Variants in FAM53A observed in about 807,000 individuals in gnomAD.
FAM53A encodes the protein protein FAM53A.
Under a neutral mutation model 26.6 loss-of-function variants are expected in FAM53A, and 28 were observed. The observed-to-expected ratio is 1.05, with a 90% CI of 0.78 to 1.45. The LOEUF is 1.45. FAM53A is among the 40% of genes most tolerant of loss of function. FAM53A has a pLI of 0.00. For synonymous variants in FAM53A, 290 were observed against 253.1 expected (o/e 1.15, Z -1.38); for missense variants, 650 against 575.8 (o/e 1.13, Z -1.32).
chr4:1,646,257 T>G (rs1259338132), intron 4 of FAM53A, among the ~76,000 whole-genome samples: 1 of 152,096 alleles, frequency 6.6e-6, no homozygotes, highest in South Asian at 2.1e-4. Flanking sequence ...TCCGCCACCA[T>G]GCCGGCTAAT....
intron 1 of FAM53A, among the ~76,000 whole-genome samples, chr4:1,621,604 A>G (rs1011931587): frequency 6.6e-6 from 1 of 152,172 alleles, no homozygotes; most frequent in African/African-American, 2.4e-5. Context: ...TGGTGAGGGA[A>G]TCAGGATTAG....
intron 4 of FAM53A, among the ~76,000 whole-genome samples, chr4:1,651,154 T>C (rs1185826107): frequency 1.3e-5 from 2 of 149,614 alleles, no homozygotes; most frequent in Admixed American, 6.7e-5. Context: ...GAGGCAGAGG[T>C]TGCAGTGAGC....
chr4:1,604,796 A>C, the FAM53A span, among the ~76,000 whole-genome samples: 1 of 150,970 alleles, frequency 6.6e-6, no homozygotes, highest in Non-Finnish European at 1.5e-5. Flanking sequence ...AAGCATCCCC[A>C]GCCTAAAGCA....
chr4:1,592,414 C>G, the FAM53A span, among the ~76,000 whole-genome samples: 1 of 152,224 alleles, frequency 6.6e-6, no homozygotes, highest in Non-Finnish European at 1.5e-5. Flanking sequence ...CCCAAAGTCC[C>G]GGAGGGGCAG....
intron 1 of FAM53A, among the ~76,000 whole-genome samples, chr4:1,677,502 T>C (rs1191850162): frequency 2.0e-5 from 3 of 152,214 alleles, no homozygotes; most frequent in African/African-American, 7.2e-5. Flanking sequence ...AGCCTACATA[T>C]ACAGGGCTGC....
At chr4:1,609,911 C>T in the FAM53A span, among the ~76,000 whole-genome samples, 5 of 152,044 alleles carry the variant, frequency 3.3e-5, no homozygotes, top group Admixed American at 1.3e-4. Context: ...TGCAGTGAGC[C>T]GAGATCGCGC....
the FAM53A span, among the ~76,000 whole-genome samples, chr4:1,577,404 C>T: frequency 6.6e-6 from 1 of 152,172 alleles, no homozygotes; most frequent in African/African-American, 2.4e-5. Context: ...TGGACGCCAG[C>T]AGCTCCCGTG....
chr4:1,605,461 G>A, the FAM53A span, among the ~76,000 whole-genome samples: 1 of 152,176 alleles, frequency 6.6e-6, no homozygotes, highest in East Asian at 1.9e-4. The surrounding 1 kb of genome is among the most constrained non-coding windows in gnomAD (Gnocchi z 5.7). Context: ...GGGGCTGGGC[G>A]TGGAGCCTGA....
At chr4:1,611,627 C>T in the FAM53A span, among the ~76,000 whole-genome samples, 1 of 152,254 alleles carries the variant, frequency 6.6e-6, no homozygotes, top group African/African-American at 2.4e-5. Flanking sequence ...CCGTGCCAGG[C>T]TGCTCCATGT....
upstream of FAM53A, among the ~76,000 whole-genome samples, chr4:1,684,762 G>T (rs1037697929): frequency 1.3e-5 from 2 of 152,228 alleles, no homozygotes; most frequent in African/African-American, 4.8e-5. Context: ...TCTGCCCGCT[G>T]TGTAGCCGTT....
At chr4:1,593,178 G>A in the FAM53A span, among the ~76,000 whole-genome samples, 1 of 152,188 alleles carries the variant, frequency 6.6e-6, no homozygotes, top group Non-Finnish European at 1.5e-5. Flanking sequence ...GGGGGCATCT[G>A]AGCCTTCCCG....
chr4:1,650,694 C>T (rs1455766264), intron 4 of FAM53A, among the ~76,000 whole-genome samples: 1 of 150,696 alleles, frequency 6.6e-6, no homozygotes, highest in African/African-American at 2.4e-5. Context: ...CGGGGTTTCA[C>T]CATGTTGGCC....
Position 1,626,521 on chromosome 4 carries a change from T to C in FAM53A, c.432-8410A>G, listed in dbSNP as rs1206737433. Among the ~76,000 whole-genome samples, 5 of 151,200 alleles carry C rather than the reference T, an allele frequency of 3.3e-5. No individual in the cohort carries two copies. In the South Asian group the frequency reaches 1.0e-3, roughly 32 times the overall value. On this transcript the variant is annotated intron_variant, in intron 1 of 1. Coordinates refer to the FAM53A transcript ENST00000489029. ...GGGACCAGGGGAGGACCCGGGACAGTGTAGACTCTCAGCCACAGCCATGCC... is the reference window on the plus strand; with the variant it reads ...GGGACCAGGGGAGGACCCGGGACAGCGTAGACTCTCAGCCACAGCCATGCC...
At chr4:1,591,244 T>C in the FAM53A span, among the ~76,000 whole-genome samples, 1 of 152,046 alleles carries the variant, frequency 6.6e-6, no homozygotes, top group Non-Finnish European at 1.5e-5. Context: ...AGTTTGTTTT[T>C]CGTTCAACCT....
intron 1 of FAM53A, among the ~76,000 whole-genome samples, chr4:1,683,011 AC>A (rs1715562694): frequency 6.6e-6 from 1 of 152,220 alleles, no homozygotes; most frequent in Non-Finnish European, 1.5e-5. Context: ...ACGGGACAGC[AC>A]GGGGAATCAA....
At chr4:1,605,546 A>G in the FAM53A span, among the ~76,000 whole-genome samples, 1 of 152,084 alleles carries the variant, frequency 6.6e-6, no homozygotes, top group East Asian at 1.9e-4. The surrounding 1 kb of genome is among the most constrained non-coding windows in gnomAD (Gnocchi z 5.7). Context: ...ACTTTTGAAA[A>G]GCGTGTTCTG....
At chr4:1,665,595 A>G (rs1714164877) in intron 2 of FAM53A, among the ~76,000 whole-genome samples, 1 of 152,212 alleles carries the variant, frequency 6.6e-6, no homozygotes, top group Non-Finnish European at 1.5e-5. Context: ...TTAAGAAAAC[A>G]GGAGTCATTG....
At chr4:1,636,903 C>T (rs1358922189), downstream of FAM53A, among the ~76,000 whole-genome samples, 1 of 151,800 alleles carries the variant, frequency 6.6e-6, no homozygotes, top group Admixed American at 6.6e-5. Flanking sequence ...GTCCCATCTG[C>T]AGGGCTGGAA....
chr4:1,666,717 T>C (rs1467783137), intron 2 of FAM53A, among the ~76,000 whole-genome samples: 1 of 152,232 alleles, frequency 6.6e-6, no homozygotes, highest in East Asian at 1.9e-4. Context: ...AAAGGAAAAA[T>C]GGGGCCAGGC....
Sources: allele counts gnomAD v4.1 joint callset (sites outside exome capture counted in the v4.1 genomes callset), GRCh38; gene constraint gnomAD v4.1.1; non-coding constraint Gnocchi (gnomAD v3.1); transcripts MANE v1.5; gene names NCBI Gene and HGNC (gene_info 2026-07-23, HGNC 2026-07-21).